The following CCDC7 variants were observed in gnomAD, a reference collection of about 807,000 sequenced individuals.
CCDC7 encodes coiled-coil domain containing 7, also known as coiled-coil domain-containing protein 7.
Under a neutral mutation model 196.9 loss-of-function variants are expected in CCDC7, and 183 were observed. The ratio of observed to expected loss-of-function variants is 0.93; its 90% confidence interval spans 0.82 to 1.05. CCDC7 has a LOEUF of 1.05. Ranked by LOEUF, CCDC7 falls within the 50% of genes least tolerant of loss-of-function variation. The pLI is 0.00. For missense variants in CCDC7, 1,540 were observed against 1,482.2 expected, an observed-to-expected ratio of 1.04 and a Z score of -0.64; for synonymous variants, 525 against 484.6, an observed-to-expected ratio of 1.08 and a Z score of -1.10.
At chr10:32,588,078 C>T (rs189989054) in intron 18 of CCDC7, among the ~76,000 whole-genome samples, 11 of 152,276 alleles carry the variant, frequency 7.2e-5, no homozygotes, top group South Asian at 4.2e-4. Flanking sequence ...TGAGCTTCTT[C>T]GCCATGTGAT....
At chr10:32,761,066 A>G (rs1338231696) in intron 28 of CCDC7, among the ~76,000 whole-genome samples, 1 of 152,066 alleles carries the variant, frequency 6.6e-6, no homozygotes, top group Admixed American at 6.6e-5. Flanking sequence ...TTTATTCTCT[A>G]AAAGTAACTA....
intron 18 of CCDC7, among the ~76,000 whole-genome samples, chr10:32,615,983 G>A (rs528959071): frequency 5.3e-5 from 8 of 151,612 alleles, no homozygotes; most frequent in South Asian, 4.2e-4. Context: ...GTTGATTGCA[G>A]GTATATTGTT....
At chr10:32,788,770 A>G (rs182918966) in intron 29 of CCDC7, among the ~76,000 whole-genome samples, 96 of 152,326 alleles carry the variant, frequency 6.3e-4, no homozygotes, top group Non-Finnish European at 1.3e-3. Flanking sequence ...GTCATTCTCC[A>G]TGGACCCAGA....
At chr10:32,726,763 C>G in exon 26 of CCDC7, 1 of 1,601,198 alleles carries the variant, frequency 6.2e-7, no homozygotes. Context: ...GTTTGTTCAT[C>G]AAGATTCAGT....
intron 16 of CCDC7, among the ~76,000 whole-genome samples, chr10:32,582,319 G>A (rs1396069281): frequency 6.6e-6 from 1 of 151,372 alleles, no homozygotes; most frequent in Non-Finnish European, 1.5e-5. Flanking sequence ...ACAAACCTTA[G>A]GCAAATTATG....
upstream of CCDC7, among the ~76,000 whole-genome samples, chr10:32,444,428 C>T (rs1175028633): frequency 2.0e-5 from 3 of 152,204 alleles, no homozygotes; most frequent in East Asian, 3.8e-4. Flanking sequence ...GCTATTAAGG[C>T]CACAGATATG....
intron 9 of CCDC7, among the ~76,000 whole-genome samples, chr10:32,509,516 CAAAA>C (rs35897485): frequency 7.2e-6 from 1 of 139,452 alleles, no homozygotes. Flanking sequence ...GACATTACAC[CAAAA>C]AAAAAAAAAA....
chr10:32,706,055 C>G (rs973647742), intron 24 of CCDC7, among the ~76,000 whole-genome samples: 3 of 152,094 alleles, frequency 2.0e-5, no homozygotes, highest in Non-Finnish European at 4.4e-5. Flanking sequence ...CCAAAATTGA[C>G]TACATAGTTG....
At chr10:32,521,055 C>G (rs1163377515) in intron 11 of CCDC7, among the ~76,000 whole-genome samples, 1 of 151,968 alleles carries the variant, frequency 6.6e-6, no homozygotes, top group South Asian at 2.1e-4. Context: ...TTTCTGGGTT[C>G]TCTTCTGTTC....
intron 25 of CCDC7, among the ~76,000 whole-genome samples, 171 bp downstream of exon 26, chr10:32,711,901 GT>G (rs2080906687): frequency 1.3e-5 from 2 of 152,240 alleles, no homozygotes; most frequent in South Asian, 4.1e-4. Flanking sequence ...ATATGTTTTG[GT>G]TAGAATTTCT....
intron 18 of CCDC7, among the ~76,000 whole-genome samples, chr10:32,607,764 C>G (rs574355285): frequency 2.2e-4 from 33 of 152,056 alleles, no homozygotes; most frequent in Non-Finnish European, 4.6e-4. Context: ...CAATTTTCAT[C>G]AGGGGTTTTG....
rs186687428 is a variant in CCDC7, at chr10:32,611,608, G to T, written c.1802-22646G>T. ...GAGTTAATTTTTGTATAAGGTGTAAGGAAGGGATCCAGTTTCAGTTTTCTG... is the reference window on the plus strand; with the variant it reads ...GAGTTAATTTTTGTATAAGGTGTAATGAAGGGATCCAGTTTCAGTTTTCTG... On this transcript the variant is annotated intron_variant, in intron 18 of 41. Coordinates refer to ENST00000639629, the Ensembl canonical transcript of CCDC7. Among the ~76,000 whole-genome samples the T allele has an allele frequency of 3.4e-3, 514 of 152,284 alleles. 5 individuals are homozygous for T. The highest frequency in any genetic ancestry group is 0.012 in the African/African-American group (486 of 41,552).
intron 11 of CCDC7, among the ~76,000 whole-genome samples, chr10:32,539,473 A>G (rs974899094): frequency 1.3e-5 from 2 of 151,362 alleles, no homozygotes; most frequent in African/African-American, 4.9e-5. Context: ...TATAAAACCA[A>G]TTTCTGGATC....
At chr10:32,584,921 TAGC>T (rs933808132) in intron 18 of CCDC7, among the ~76,000 whole-genome samples, 24 of 152,238 alleles carry the variant, frequency 1.6e-4, no homozygotes, top group Admixed American at 1.4e-3. Context: ...AATCTGAGCA[TAGC>T]AGGAAAAAAG....
chr10:32,881,191 G>A (rs1343849302), downstream of CCDC7, among the ~76,000 whole-genome samples: 1 of 152,106 alleles, frequency 6.6e-6, no homozygotes, highest in Non-Finnish European at 1.5e-5. Context: ...GAGACAAAAG[G>A]TATGTTCACT....
chr10:32,663,496 G>C (rs2071963340), intron 20 of CCDC7, among the ~76,000 whole-genome samples: 1 of 151,924 alleles, frequency 6.6e-6, no homozygotes, highest in Non-Finnish European at 1.5e-5. Flanking sequence ...TAGCATACTT[G>C]ATATCTTTCT....
At chr10:32,609,761 C>T (rs955992277) in intron 18 of CCDC7, among the ~76,000 whole-genome samples, 19 of 152,216 alleles carry the variant, frequency 1.2e-4, no homozygotes, top group African/African-American at 4.3e-4. Flanking sequence ...AGTGAGTTCT[C>T]GCAAGATCTG....
intron 32 of CCDC7, among the ~76,000 whole-genome samples, chr10:32,832,489 A>C (rs1043043866): frequency 1.3e-5 from 2 of 152,112 alleles, no homozygotes; most frequent in Non-Finnish European, 2.9e-5. Context: ...GGGGAAAAAA[A>C]ACCCAAAAAT....
intron 22 of CCDC7, 59 bp from the exon 24 acceptor site, chr10:32,688,994 T>A: frequency 8.9e-7 from 1 of 1,122,450 alleles, no homozygotes; most frequent in Non-Finnish European, 1.3e-6. Flanking sequence ...ATTTGAAATC[T>A]ACAGATTTCA....
Sources: allele counts gnomAD v4.1 joint callset (sites outside exome capture counted in the v4.1 genomes callset), GRCh38; gene constraint gnomAD v4.1.1; transcripts MANE v1.5; gene names NCBI Gene and HGNC (gene_info 2026-07-23, HGNC 2026-07-21).